RBFOX1: variants seen among roughly 807,000 people sequenced by gnomAD.
RBFOX1 encodes RNA binding fox-1 homolog 1, also known as RNA binding protein fox-1 homolog 1.
RBFOX1 carries 8 observed loss-of-function variants against 57.7 expected under a neutral mutation model. The ratio of observed to expected loss-of-function variants is 0.14; its 90% confidence interval spans 0.08 to 0.25. The LOEUF (loss-of-function observed/expected upper bound fraction) is 0.25. Ranked by LOEUF, RBFOX1 falls within the 10% of genes least tolerant of loss-of-function variation. The pLI is 1.00. For missense variants in RBFOX1, 611 were observed against 548.5 expected (o/e 1.11, Z -1.14); for synonymous variants, 326 against 222.4 (o/e 1.47, Z -4.15).
chr16:7,412,908 G>A (rs942784906), intron 4 of RBFOX1, among the ~76,000 whole-genome samples: 8 of 152,152 alleles, frequency 5.3e-5, no homozygotes, highest in South Asian at 2.1e-4. Flanking sequence ...CAGGCGCCAT[G>A]GTGGGCGCCT....
intron 4 of RBFOX1, among the ~76,000 whole-genome samples, chr16:7,319,194 G>A (rs926051913): frequency 3.3e-5 from 5 of 152,096 alleles, no homozygotes; most frequent in African/African-American, 1.2e-4. Flanking sequence ...AAGGAAGTGA[G>A]GTCTGTGCCG....
chr16:7,569,630 A>G (rs2092563131), intron 5 of RBFOX1, among the ~76,000 whole-genome samples: 1 of 152,210 alleles, frequency 6.6e-6, no homozygotes, highest in Non-Finnish European at 1.5e-5. Flanking sequence ...CAGGTATTAG[A>G]ACCTTAACAT....
chr16:6,089,427 C>T (rs987384849), intron 1 of RBFOX1, among the ~76,000 whole-genome samples: 12 of 152,142 alleles, frequency 7.9e-5, no homozygotes, highest in African/African-American at 2.7e-4. Flanking sequence ...TTAGGATGGT[C>T]GGCATATACA....
Position 5,937,084 on chromosome 16 carries a change from G to T in RBFOX1, c.351+69749G>T, listed in dbSNP as rs375037445. ...TGTCTGCATCATAGACCTATTGTAA[G>T]GGCTAAAGTCTAGTGTGGATAATTT... On this transcript the variant is annotated intron_variant, in intron 4 of 19. Transcript: ENST00000641259. Among the ~76,000 whole-genome samples the T allele has an allele frequency of 2.3e-4, 23 of 101,488 alleles. 1 individual carries two copies. In the South Asian group the frequency reaches 5.8e-3, roughly 26 times the overall value. 66.6% of individuals were successfully genotyped at this position (101,488 alleles called of 152,430 possible). A position where few individuals can be genotyped will look rare whatever the true frequency, so the allele number is the denominator to read the frequency against.
intron 4 of RBFOX1, among the ~76,000 whole-genome samples, chr16:7,342,932 G>A (rs1237872691): frequency 6.6e-6 from 1 of 152,166 alleles, no homozygotes; most frequent in Non-Finnish European, 1.5e-5. Context: ...ACACGTGAAG[G>A]AGAGTTGATC....
chr16:5,270,631 C>T (rs1049005599), intron 1 of RBFOX1: 16 of 568,706 alleles, frequency 2.8e-5, no homozygotes, highest in Admixed American at 6.4e-5. Context: ...TACTGAAGAC[C>T]TCTTATGCTC....
chr16:5,290,718 G>C (rs1262415210), intron 1 of RBFOX1, among the ~76,000 whole-genome samples: 2 of 148,218 alleles, frequency 1.3e-5, no homozygotes, highest in African/African-American at 5.0e-5. Context: ...TTTTTTTTGA[G>C]ACGGAGTTTA....
At chr16:6,901,471 G>A (rs140627806) in intron 3 of RBFOX1, among the ~76,000 whole-genome samples, 2 of 152,080 alleles carry the variant, frequency 1.3e-5, no homozygotes, top group Non-Finnish European at 2.9e-5. Context: ...CTGCCCCTAC[G>A]ACTCTTCCTT....
chr16:5,700,119 A>G (rs2050991292), intron 3 of RBFOX1, among the ~76,000 whole-genome samples: 1 of 152,226 alleles, frequency 6.6e-6, no homozygotes, highest in African/African-American at 2.4e-5. Context: ...GGCGTGAGCC[A>G]CCATGCCTGG....
At chr16:5,664,561 A>G (rs2049770043) in intron 3 of RBFOX1, among the ~76,000 whole-genome samples, 1 of 151,910 alleles carries the variant, frequency 6.6e-6, no homozygotes, top group Admixed American at 6.5e-5. Flanking sequence ...AAAAAAGTGG[A>G]TTCCTGTTCC....
intron 3 of RBFOX1, among the ~76,000 whole-genome samples, chr16:6,724,389 T>C (rs1010421351): frequency 1.3e-5 from 2 of 152,052 alleles, no homozygotes; most frequent in African/African-American, 2.4e-5. Flanking sequence ...TTTATATTTT[T>C]AGTAGAGACA....
intron 4 of RBFOX1, among the ~76,000 whole-genome samples, chr16:7,261,527 C>T (rs1285108272): frequency 6.6e-6 from 1 of 152,168 alleles, no homozygotes; most frequent in Non-Finnish European, 1.5e-5. Context: ...TAGGAGATAA[C>T]TAACGGCAGT....
At chr16:5,890,201 T>A (rs2058013534) in intron 4 of RBFOX1, among the ~76,000 whole-genome samples, 2 of 152,178 alleles carry the variant, frequency 1.3e-5, no homozygotes, top group African/African-American at 4.8e-5. Flanking sequence ...TGTACCTCTT[T>A]AAGCCTCTTG....
chr16:7,164,774 C>T (rs903782630), intron 4 of RBFOX1, among the ~76,000 whole-genome samples: 2 of 152,160 alleles, frequency 1.3e-5, no homozygotes, highest in African/African-American at 2.4e-5. Flanking sequence ...AAAAATCCAC[C>T]TTCTGATCAA....
At chr16:6,774,192 C>A (rs542443139) in intron 3 of RBFOX1, among the ~76,000 whole-genome samples, 1 of 152,080 alleles carries the variant, frequency 6.6e-6, no homozygotes, top group African/African-American at 2.4e-5. Flanking sequence ...ACTGAGATTG[C>A]CTGTTATTAG....
intron 3 of RBFOX1, among the ~76,000 whole-genome samples, chr16:6,696,597 T>A (rs1021066923): frequency 3.3e-5 from 5 of 152,222 alleles, no homozygotes; most frequent in Non-Finnish European, 7.3e-5. Flanking sequence ...CATTCATAAA[T>A]GATAATTACG....
upstream of RBFOX1, among the ~76,000 whole-genome samples, chr16:6,014,150 C>T (rs568878410): frequency 5.3e-5 from 8 of 152,232 alleles, no homozygotes; most frequent in South Asian, 1.2e-3. Context: ...CATAATGGTA[C>T]TTACACTGTG....
Position 7,573,780 on chromosome 16 carries a change from A to C in RBFOX1, c.271-5997A>C, listed in dbSNP as rs111347288. On this transcript the variant is annotated intron_variant, in intron 5 of 15. Transcript: ENST00000550418. ...AACCCGGGAGGCAGAGGTTGCAGTGAGGTAAGATTGTGCCACTAGACTCCA... is the reference window on the plus strand; with the variant it reads ...AACCCGGGAGGCAGAGGTTGCAGTGCGGTAAGATTGTGCCACTAGACTCCA... Among the ~76,000 whole-genome samples, 250 of 151,960 alleles carry C rather than the reference A, an allele frequency of 1.6e-3. 1 individual carries two copies. The highest frequency in any genetic ancestry group is 5.6e-3 in the African/African-American group (232 of 41,498).
chr16:6,807,652 C>G (rs951284751), intron 3 of RBFOX1, among the ~76,000 whole-genome samples: 14 of 152,036 alleles, frequency 9.2e-5, no homozygotes, highest in Middle Eastern at 3.4e-3. Flanking sequence ...CCCATCTCCA[C>G]TAAAAATAAA....
Sources: allele counts gnomAD v4.1 joint callset (sites outside exome capture counted in the v4.1 genomes callset), GRCh38; gene constraint gnomAD v4.1.1; transcripts MANE v1.5; gene names NCBI Gene and HGNC (gene_info 2026-07-23, HGNC 2026-07-21).